MTA3: variants seen among roughly 807,000 people sequenced by gnomAD.
The protein encoded by MTA3 is metastasis-associated protein MTA3.
Under a neutral mutation model 83.5 loss-of-function variants are expected in MTA3, and 34 were observed. The ratio of observed to expected loss-of-function variants is 0.41; its 90% CI spans 0.31 to 0.54. The LOEUF is 0.54. MTA3 is among the 20% of genes least tolerant of loss of function. The probability of loss-of-function intolerance (pLI) is 0.33; values close to 1 mark genes in which losing one functional copy is unlikely to be tolerated. For missense variants in MTA3, 761 were observed against 726.4 expected, an observed-to-expected ratio of 1.05 and a Z score of -0.55; for synonymous variants, 303 against 252.7, an observed-to-expected ratio of 1.20 and a Z score of -1.89.
At chr2:42,617,638 TG>T (rs1000767018) in intron 4 of MTA3, among the ~76,000 whole-genome samples, 2 of 152,078 alleles carry the variant, frequency 1.3e-5, no homozygotes, top group African/African-American at 4.8e-5. Context: ...TAGCCGGGCC[TG>T]GTGGCGCATG....
At chr2:42,608,047 G>A (rs1573238498) in intron 3 of MTA3, among the ~76,000 whole-genome samples, 1 of 152,204 alleles carries the variant, frequency 6.6e-6, no homozygotes, top group African/African-American at 2.4e-5. Flanking sequence ...GAGAGATGCC[G>A]TTGTGATTTT....
At chr2:42,508,801 A>G (rs1225788132) in intron 2 of MTA3, among the ~76,000 whole-genome samples, 1 of 147,044 alleles carries the variant, frequency 6.8e-6, no homozygotes, top group Non-Finnish European at 1.5e-5. Flanking sequence ...GATTAAATAT[A>G]TTGTAAATTA....
chr2:42,678,788 G>T (rs565789808), intron 8 of MTA3, among the ~76,000 whole-genome samples: 1 of 152,168 alleles, frequency 6.6e-6, no homozygotes, highest in South Asian at 2.1e-4. Context: ...GTGTGTGTGT[G>T]TATACATACA....
intron 4 of MTA3, among the ~76,000 whole-genome samples, chr2:42,629,502 C>G (rs1381828538): frequency 6.6e-6 from 1 of 152,120 alleles, no homozygotes; most frequent in Non-Finnish European, 1.5e-5. Flanking sequence ...TGAGCACAGC[C>G]AGTCAGTACT....
At chr2:42,748,201 TTG>T (rs61339061) in intron 16 of MTA3, among the ~76,000 whole-genome samples, 4,407 of 137,582 alleles carry the variant, frequency 0.032, 85 homozygotes, top group Non-Finnish European at 0.036. Flanking sequence ...GCTAATGTGT[TTG>T]TGTGTGTGTG....
At position 42,644,172 on chromosome 2, in the gene MTA3, C is replaced by T. The variant is rs368239450; in HGVS notation, c.427C>T (p.Leu143=). 2.5e-6 allele frequency: 4 copies of T among 1,613,056 alleles called. No individual in the cohort carries two copies. The highest frequency in any genetic ancestry group is 3.4e-6 in the Non-Finnish European group (4 of 1,179,518). The change falls in exon 6 of 17, where the codon CTA becomes TTA. Residue 143 remains leucine, a synonymous_variant. Coordinates refer to ENST00000405094, the MANE Select transcript of MTA3 (RefSeq NM_001330442.2). Reference sequence around the variant, plus strand: ...GGTCTATGACCCCTCATTGAAAACACTATTAGCTGACAAAGGTGAAATCAG... The same window carrying T: ...GGTCTATGACCCCTCATTGAAAACATTATTAGCTGACAAAGGTGAAATCAG... ...SLVYDPSLKT[L]LADKGEIRVG... is the part of the protein sequence containing the mutation.
intron 16 of MTA3, among the ~76,000 whole-genome samples, chr2:42,728,640 A>G (rs1257762007): frequency 6.6e-6 from 1 of 152,214 alleles, no homozygotes; most frequent in African/African-American, 2.4e-5. Context: ...CCTTTTGGAT[A>G]AGAGCTATTT....
intron 9 of MTA3, among the ~76,000 whole-genome samples, chr2:42,683,000 G>A (rs1396310040): frequency 6.6e-6 from 1 of 152,190 alleles, no homozygotes; most frequent in Non-Finnish European, 1.5e-5. Context: ...TGAACCCGGA[G>A]GTGGAGGTTT....
chr2:42,504,113 A>G (rs1674520880), intron 2 of MTA3, among the ~76,000 whole-genome samples: 1 of 151,728 alleles, frequency 6.6e-6, no homozygotes, highest in East Asian at 1.9e-4. Context: ...TATTTTTAGT[A>G]GAGATGGGGT....
intron 2 of MTA3, among the ~76,000 whole-genome samples, chr2:42,518,004 G>A (rs1241934263): frequency 3.3e-5 from 5 of 151,828 alleles, no homozygotes; most frequent in African/African-American, 9.7e-5. Flanking sequence ...TGACCAACAC[G>A]GTGAAACCCC....
In MTA3 at chr2:42,560,947, T is replaced by C. The variant is rs967100491; in HGVS notation, c.-140-9490T>C. Reference sequence around the variant, plus strand: ...ACCAAATTAAGTCTCCATTATTCCATGTTTAAAAACTTCTAAAGGCTTCCC... The same window carrying C: ...ACCAAATTAAGTCTCCATTATTCCACGTTTAAAAACTTCTAAAGGCTTCCC... On this transcript the variant is annotated intron_variant, in intron 2 of 17. Transcript: ENST00000405592. Among the ~76,000 whole-genome samples, 7 of 152,254 alleles carry C rather than the reference T, an allele frequency of 4.6e-5. 1 individual carries two copies. In the South Asian group the frequency reaches 8.3e-4, roughly 18 times the overall value.
chr2:42,661,731 A>C (rs765435228), intron 8 of MTA3, among the ~76,000 whole-genome samples: 39 of 152,140 alleles, frequency 2.6e-4, no homozygotes, highest in Non-Finnish European at 5.3e-4. Context: ...GTTTTCTTTA[A>C]GCCCTTTTTT....
chr2:42,556,961 AG>A (rs1194076526), intron 2 of MTA3, among the ~76,000 whole-genome samples: 1 of 152,194 alleles, frequency 6.6e-6, no homozygotes, highest in Admixed American at 6.5e-5. Context: ...CAGAGGAAGG[AG>A]GCCCTACGAA....
intron 3 of MTA3, among the ~76,000 whole-genome samples, chr2:42,605,020 T>A (rs1452839520): frequency 6.6e-6 from 1 of 150,764 alleles, no homozygotes; most frequent in Non-Finnish European, 1.5e-5. Flanking sequence ...GATTTCTCAA[T>A]CTTTTCCCCA....
At chr2:42,656,159 C>T (rs771764617) in intron 6 of MTA3, 41 bp from the exon 7 acceptor site, 4 of 1,447,828 alleles carry the variant, frequency 2.8e-6, no homozygotes, top group Non-Finnish European at 3.9e-6. Flanking sequence ...GACAGTATGC[C>T]TTGTCAGTAA....
At chr2:42,664,349 G>C (rs929831490) in intron 8 of MTA3, among the ~76,000 whole-genome samples, 1 of 151,538 alleles carries the variant, frequency 6.6e-6, no homozygotes, top group Non-Finnish European at 1.5e-5. Flanking sequence ...CATATGAAAG[G>C]TTCATTGGTT....
At chr2:42,703,017 T>TG (rs1248725223) in intron 11 of MTA3, 1 of 152,372 alleles carries the variant, frequency 6.6e-6, no homozygotes, top group Non-Finnish European at 1.5e-5. Context: ...TGGAGTACAG[T>TG]GGCATGATCA....
chr2:42,669,845 G>C (rs1181098396), intron 8 of MTA3, among the ~76,000 whole-genome samples: 1 of 152,128 alleles, frequency 6.6e-6, no homozygotes, highest in Admixed American at 6.6e-5. Context: ...AGAAACATCA[G>C]AAAGGCACTG....
At chr2:42,701,036 T>C (rs2104484881) in intron 11 of MTA3, among the ~76,000 whole-genome samples, 1 of 152,236 alleles carries the variant, frequency 6.6e-6, no homozygotes, top group South Asian at 2.1e-4. Flanking sequence ...GGTTTGATGC[T>C]GCAGTGAGTT....
Sources: allele counts gnomAD v4.1 joint callset (sites outside exome capture counted in the v4.1 genomes callset), GRCh38; gene constraint gnomAD v4.1.1; transcripts MANE v1.5; gene names NCBI Gene and HGNC (gene_info 2026-07-23, HGNC 2026-07-21).